The following ACSL4 variants were observed in gnomAD, a reference collection of about 807,000 sequenced individuals.
ACSL4 encodes the protein long-chain-fatty-acid--CoA ligase 4.
A neutral mutation model predicts 49.1 loss-of-function variants in ACSL4; 9 were observed. That is an observed-to-expected ratio of 0.18 (90% CI 0.11 to 0.32). The LOEUF (loss-of-function observed/expected upper bound fraction) is 0.32. Ranked by LOEUF, ACSL4 falls within the 10% of genes least tolerant of loss-of-function variation. The pLI is 1.00. For missense variants in ACSL4, 333 were observed against 493.7 expected (o/e 0.67, Z 3.08); for synonymous variants, 191 against 170.3 (o/e 1.12, Z -0.95).
intron 1 of ACSL4, among the ~76,000 whole-genome samples, chrX:109,722,370 G>C (rs1237167586): frequency 9.0e-6 from 1 of 111,713 alleles, no homozygotes; most frequent in Non-Finnish European, 1.9e-5. Context: ...AGGTTATGTT[G>C]CCACAGATAC....
At chrX:109,671,775 C>T (rs1451826136) in intron 9 of ACSL4, among the ~76,000 whole-genome samples, 1 of 111,436 alleles carries the variant, frequency 9.0e-6, no homozygotes. Context: ...TATAACCTTA[C>T]CCCCAACCCC....
chrX:109,694,909 G>T (rs766424054), intron 2 of ACSL4, among the ~76,000 whole-genome samples: 17 of 111,799 alleles, frequency 1.5e-4, no homozygotes, highest in Non-Finnish European at 2.8e-4. Context: ...ATGCCTCAAT[G>T]AAATATATAC....
chrX:109,710,323 C>T (rs1233506255), intron 1 of ACSL4, among the ~76,000 whole-genome samples: 1 of 111,937 alleles, frequency 8.9e-6, no homozygotes, highest in Non-Finnish European at 1.9e-5. Context: ...AAAAACACTT[C>T]CAAGTAAAAA....
rs191440177 is a variant in ACSL4, at chrX:109,650,697, C to T, written c.1856-6511G>A. 3.4e-3 allele frequency among the ~76,000 whole-genome samples: 378 copies of T among 111,619 alleles called. 3 individuals are homozygous for T. Among genetic ancestry groups the T allele is most frequent in the African/African-American group, 0.012 (363 of 30,759 alleles). On this transcript the variant is annotated intron_variant, in intron 15 of 15. Transcript: ENST00000672401. ...GTATAATAATAAATAAAGAAATACA[C>T]AAAAGAGAAGTCCCTTTGTCTCTCT...
At chrX:109,683,820 A>T (rs771560028) in intron 2 of ACSL4, among the ~76,000 whole-genome samples, 26 of 112,750 alleles carry the variant, frequency 2.3e-4, no homozygotes, top group Non-Finnish European at 4.1e-4. Flanking sequence ...GAAAGCTGAA[A>T]TAACTGGTCT....
Position 109,697,500 on chromosome X carries a change from T to G in ACSL4, c.-65-1304A>C, listed in dbSNP as rs776859870. 2.7e-5 allele frequency among the ~76,000 whole-genome samples: 3 copies of G among 111,413 alleles called. No homozygotes were observed. In the South Asian group the frequency reaches 1.1e-3, roughly 42 times the overall value. The stretch of plus-strand genomic sequence containing the variant: ...GAGATGAAGGAAAGAATGATTTATA[T>G]CCAAGCCTATTACTAACAAAGGCTA... On this transcript the variant is annotated intron_variant, in intron 1 of 15. Transcript: ENST00000672401.
chrX:109,731,728 T>C (rs1262876601), intron 1 of ACSL4, among the ~76,000 whole-genome samples: 2 of 111,851 alleles, frequency 1.8e-5, no homozygotes, highest in Non-Finnish European at 3.8e-5. Flanking sequence ...CAGTTTAATG[T>C]TTCATCCCCC....
intron 14 of ACSL4, 89 bp from the exon 15 acceptor site, chrX:109,659,600 C>A: frequency 1.8e-6 from 1 of 564,190 alleles, no homozygotes; most frequent in Non-Finnish European, 2.9e-6. Flanking sequence ...ACAGATAATT[C>A]CAAATATATA....
chrX:109,700,539 A>T (rs1159245367), intron 1 of ACSL4, among the ~76,000 whole-genome samples: 3 of 97,291 alleles, frequency 3.1e-5, no homozygotes, highest in Non-Finnish European at 6.2e-5. Flanking sequence ...TCTGTCTCAT[A>T]AAAAAAAAAA....
intron 1 of ACSL4, among the ~76,000 whole-genome samples, chrX:109,731,770 G>T (rs774429316): frequency 2.2e-4 from 25 of 111,453 alleles, no homozygotes; most frequent in Non-Finnish European, 4.3e-4. Flanking sequence ...AATTCTAACA[G>T]GAGTCTTACA....
chrX:109,725,292 G>A (rs1425595422), intron 1 of ACSL4, among the ~76,000 whole-genome samples: 1 of 104,245 alleles, frequency 9.6e-6, no homozygotes, highest in Non-Finnish European at 2.0e-5. Context: ...ATGTTGCTCA[G>A]GCTGGTCTTG....
rs1934459033 is a variant in ACSL4 at position 109,642,014 on chromosome X, G to A, written c.*2015C>T. ...AATCAAGGGGTAGTGGCATCTCCCT[G>A]GTCCCTTAACAATATTTGGATTTTT... On this transcript the variant is annotated 3_prime_UTR_variant, in exon 16 of 16. Coordinates refer to ENST00000672401, the MANE Select transcript of ACSL4 (RefSeq NM_001318510.2). 2.7e-5 allele frequency: 3 copies of A among 111,591 alleles called. No individual in the cohort carries two copies. Among genetic ancestry groups the A allele is most frequent in the Admixed American group, 1.9e-4 (2 of 10,417 alleles). 9.2% of individuals were successfully genotyped at this position (111,591 alleles called of 1,213,427 possible).
intron 1 of ACSL4, among the ~76,000 whole-genome samples, chrX:109,726,136 C>T (rs996369305): frequency 1.1e-4 from 12 of 112,372 alleles, no homozygotes; most frequent in African/African-American, 3.9e-4. Context: ...CAAATACAAG[C>T]AGGCTTAGCA....
chrX:109,719,363 T>C (rs1318701451), intron 1 of ACSL4, among the ~76,000 whole-genome samples: 1 of 111,640 alleles, frequency 9.0e-6, no homozygotes, highest in East Asian at 2.8e-4. Context: ...GAAGTTGTTA[T>C]GCCTATGGCA....
chrX:109,685,776 C>T (rs1569430352), intron 2 of ACSL4, among the ~76,000 whole-genome samples: 1 of 109,567 alleles, frequency 9.1e-6, no homozygotes, highest in Non-Finnish European at 1.9e-5. Context: ...ACTAGATCAG[C>T]AGGCCTTAAC....
intron 1 of ACSL4, among the ~76,000 whole-genome samples, chrX:109,712,865 C>G (rs1362821604): frequency 9.0e-6 from 1 of 111,047 alleles, no homozygotes; most frequent in Non-Finnish European, 1.9e-5. Context: ...ACTCCAGAGG[C>G]TGAGGTGGGA....
intron 2 of ACSL4, chrX:109,692,273 A>G (rs762687804): frequency 4.5e-5 from 5 of 111,875 alleles, no homozygotes; most frequent in African/African-American, 1.6e-4. Flanking sequence ...CTAGGAGTCA[A>G]TGTTGATGCC....
intron 1 of ACSL4, among the ~76,000 whole-genome samples, chrX:109,720,565 C>T (rs1398832863): frequency 9.0e-6 from 1 of 111,447 alleles, no homozygotes; most frequent in Non-Finnish European, 1.9e-5. Context: ...AAATTTATAA[C>T]ATGTAACTCT....
chrX:109,696,059 A>T (rs1449349805), intron 2 of ACSL4, 85 bp downstream of exon 2: 1 of 112,581 alleles, frequency 8.9e-6, no homozygotes, highest in African/African-American at 3.2e-5. Context: ...AAAAAGGGTC[A>T]AGATGCCTGT....
Sources: allele counts gnomAD v4.1 joint callset (sites outside exome capture counted in the v4.1 genomes callset), GRCh38; gene constraint gnomAD v4.1.1; transcripts MANE v1.5; gene names NCBI Gene and HGNC (gene_info 2026-07-23, HGNC 2026-07-21).